Variants in RSRC1 observed in about 807,000 individuals in gnomAD.
RSRC1 encodes the protein serine/Arginine-related protein 53.
A neutral mutation model predicts 49.1 loss-of-function variants in RSRC1; 39 were observed. That is an observed-to-expected ratio of 0.79 (90% CI 0.61 to 1.04). The LOEUF is 1.04. RSRC1 is among the 50% of genes least tolerant of loss of function. The pLI is 0.00. For missense variants in RSRC1, 388 were observed against 402.4 expected (o/e 0.96, Z 0.31); for synonymous variants, 143 against 130.8 (o/e 1.09, Z -0.63).
At chr3:158,343,318 A>C (rs1730359304) in intron 5 of RSRC1, among the ~76,000 whole-genome samples, 1 of 152,214 alleles carries the variant, frequency 6.6e-6, no homozygotes. Context: ...AAGTACTTTA[A>C]CTGTGTCCTA....
chr3:158,402,098 A>C (rs942362629), intron 6 of RSRC1, among the ~76,000 whole-genome samples: 1 of 152,006 alleles, frequency 6.6e-6, no homozygotes, highest in East Asian at 1.9e-4. Context: ...AGGAATTCCC[A>C]AGGCAGGTTT....
At chr3:158,276,297 G>T in intron 4 of RSRC1, 1 of 762,166 alleles carries the variant, frequency 1.3e-6, no homozygotes. Flanking sequence ...AGGCCAGATG[G>T]GGTGGGGAGC....
intron 6 of RSRC1, among the ~76,000 whole-genome samples, chr3:158,371,817 A>G (rs1369968484): frequency 6.6e-6 from 1 of 151,870 alleles, no homozygotes; most frequent in African/African-American, 2.4e-5. Flanking sequence ...TTTGCTCCCA[A>G]CAGCAGTCTA....
At chr3:158,128,861 C>G (rs1472295477) in intron 3 of RSRC1, among the ~76,000 whole-genome samples, 1 of 152,088 alleles carries the variant, frequency 6.6e-6, no homozygotes, top group Non-Finnish European at 1.5e-5. Flanking sequence ...TGTAGATTGC[C>G]CCTCAGCCTG....
At chr3:158,283,632 TG>T (rs772691847) in intron 4 of RSRC1, among the ~76,000 whole-genome samples, 11 of 152,200 alleles carry the variant, frequency 7.2e-5, no homozygotes, top group Non-Finnish European at 1.6e-4. Flanking sequence ...TTGCCATTAT[TG>T]GGCATTTAGT....
At chr3:158,236,116 CAA>C (rs202061212) in intron 4 of RSRC1, among the ~76,000 whole-genome samples, 26 of 136,304 alleles carry the variant, frequency 1.9e-4, no homozygotes, top group South Asian at 4.6e-4. Context: ...AGTCTTGTCT[CAA>C]AAAAAAAAAA....
chr3:158,264,436 G>C (rs1048037938), intron 4 of RSRC1, among the ~76,000 whole-genome samples: 2 of 152,138 alleles, frequency 1.3e-5, no homozygotes, highest in Admixed American at 6.5e-5. Context: ...TTATGGCTCA[G>C]AATAGCTCTA....
At chr3:158,248,362 A>G (rs1385761207) in intron 4 of RSRC1, among the ~76,000 whole-genome samples, 2 of 152,316 alleles carry the variant, frequency 1.3e-5, no homozygotes, top group East Asian at 1.9e-4. Context: ...AATGTTGCAT[A>G]TATCAGCAGT....
intron 6 of RSRC1, among the ~76,000 whole-genome samples, chr3:158,444,906 C>T (rs1428440969): frequency 1.3e-5 from 2 of 152,228 alleles, no homozygotes; most frequent in African/African-American, 4.8e-5. Context: ...TGAAAAAATG[C>T]TCATCATCAC....
At chr3:158,507,205 G>A (rs947445636) in intron 7 of RSRC1, among the ~76,000 whole-genome samples, 2 of 151,396 alleles carry the variant, frequency 1.3e-5, no homozygotes, top group African/African-American at 4.9e-5. Context: ...TCTCATGGAG[G>A]TAGAAAGTAG....
At chr3:158,113,954 C>T (rs771671473) in intron 1 of RSRC1, among the ~76,000 whole-genome samples, 2 of 151,830 alleles carry the variant, frequency 1.3e-5, no homozygotes, top group East Asian at 1.9e-4. Flanking sequence ...ATTGTCTGTT[C>T]GTTCTGATGA....
chr3:158,131,144 A>T (rs1715996107), intron 3 of RSRC1, among the ~76,000 whole-genome samples: 1 of 151,194 alleles, frequency 6.6e-6, no homozygotes, highest in Non-Finnish European at 1.5e-5. Flanking sequence ...TTTTTTGTTT[A>T]TATATATATT....
intron 7 of RSRC1, among the ~76,000 whole-genome samples, chr3:158,470,771 A>G (rs1049645227): frequency 6.6e-6 from 1 of 152,192 alleles, no homozygotes; most frequent in African/African-American, 2.4e-5. Context: ...GTAAACTATT[A>G]TAATTCAAGA....
intron 7 of RSRC1, among the ~76,000 whole-genome samples, chr3:158,499,816 A>G (rs1239854072): frequency 1.3e-5 from 2 of 152,124 alleles, no homozygotes; most frequent in Non-Finnish European, 2.9e-5. Context: ...GCAAACGGTG[A>G]CAGTTTGACT....
intron 3 of RSRC1, among the ~76,000 whole-genome samples, chr3:158,129,319 A>T: frequency 9.1e-6 from 1 of 109,482 alleles, no homozygotes. Context: ...TTTGAGACTG[A>T]GTCTCTATTG....
At chr3:158,261,915 C>T (rs827113) in intron 4 of RSRC1, among the ~76,000 whole-genome samples, 72,409 of 151,900 alleles carry the variant, frequency 0.48, 17,817 homozygotes, top group East Asian at 0.64. Flanking sequence ...ATATAGTGCA[C>T]GGTAATTGTA....
intron 6 of RSRC1, among the ~76,000 whole-genome samples, chr3:158,430,643 A>G (rs887070044): frequency 2.0e-5 from 3 of 151,960 alleles, no homozygotes; most frequent in Non-Finnish European, 2.9e-5. Context: ...ACAGATATGA[A>G]TAAGATACCC....
At chr3:158,255,467 G>A (rs1012571895) in intron 4 of RSRC1, among the ~76,000 whole-genome samples, 7 of 152,248 alleles carry the variant, frequency 4.6e-5, no homozygotes, top group Admixed American at 1.3e-4. Flanking sequence ...GTTTACTGTA[G>A]CCTTGTAGTA....
chr3:158,248,290 G>A (rs1268628827), intron 4 of RSRC1, among the ~76,000 whole-genome samples: 1 of 152,116 alleles, frequency 6.6e-6, no homozygotes, highest in African/African-American at 2.4e-5. Context: ...AATTACTTTT[G>A]TGTGTTTTTT....
Sources: allele counts gnomAD v4.1 joint callset (sites outside exome capture counted in the v4.1 genomes callset), GRCh38; gene constraint gnomAD v4.1.1; transcripts MANE v1.5; gene names NCBI Gene and HGNC (gene_info 2026-07-23, HGNC 2026-07-21).